ZNF131: variants seen among roughly 807,000 people sequenced by gnomAD.
ZNF131 encodes zinc finger and BTB domain containing 35.
Under a neutral mutation model 60.0 loss-of-function variants are expected in ZNF131, and 7 were observed. That is an observed-to-expected ratio of 0.12 (90% confidence interval 0.07 to 0.22). The LOEUF is 0.22. Ranked by LOEUF, ZNF131 falls within the 10% of genes least tolerant of loss-of-function variation. ZNF131 has a pLI of 1.00. For missense variants in ZNF131, 493 were observed against 740.9 expected, an observed-to-expected ratio of 0.67 and a Z score of 3.88; for synonymous variants, 257 against 253.2, an observed-to-expected ratio of 1.01 and a Z score of -0.14.
rs893974826 is a variant in ZNF131, at chr5:43,175,292, T to C, written c.*159T>C. The C allele has an allele frequency of 8.0e-6, 6 of 746,504 alleles. No individual in the cohort carries two copies. Among genetic ancestry groups the C allele is most frequent in the East Asian group, 5.4e-5 (2 of 37,378 alleles). The allele number at this position is 746,504 out of a possible 1,614,324, so 46.2% of individuals were successfully genotyped here. On this transcript the variant is annotated 3_prime_UTR_variant, in exon 7 of 7. Coordinates refer to ENST00000682664, the MANE Select transcript of ZNF131 (RefSeq NM_001330707.2). ...GTCCGTTGAAACACATTGATTCCCC[T>C]CCCCCTACTTATTGCCACAGAGGAG...
intron 4 of ZNF131, among the ~76,000 whole-genome samples, chr5:43,143,898 C>CATTTTTTTTT (rs1747189766): frequency 2.9e-5 from 1 of 34,974 alleles, no homozygotes. Flanking sequence ...ATTGTCAGAG[C>CATTTTTTTTT]TTTTTTTTTT....
intron 4 of ZNF131, among the ~76,000 whole-genome samples, chr5:43,142,785 G>A (rs540411366): frequency 4.6e-5 from 7 of 151,718 alleles, no homozygotes; most frequent in Non-Finnish European, 8.8e-5. Flanking sequence ...TCAACTTCCC[G>A]GCCTCAAGAG....
At chr5:43,168,368 G>A (rs116345130) in intron 5 of ZNF131, among the ~76,000 whole-genome samples, 1,811 of 152,312 alleles carry the variant, frequency 0.012, 32 homozygotes, top group African/African-American at 0.042. Flanking sequence ...CAGTCACAGA[G>A]GAATGAGAGG....
chr5:43,161,331 A>G lies in ZNF131; in HGVS notation c.454A>G (p.Asn152Asp), dbSNP rs1749670604. The G allele has an allele frequency of 4.3e-6, 7 of 1,614,114 alleles. No homozygotes were observed. The highest frequency in any genetic ancestry group is 1.7e-5 in the Admixed American group (1 of 60,006). Residue 152 changes from asparagine (N) to aspartate (D), a missense_variant, in exon 5 of 7, where the codon AAT becomes GAT. Transcript: ENST00000682664. ...AAAAAGGAAGATTGCAGAAACTTCA[A>G]ATGTTATCACTGAGTCATTGCCATC... ...AKKRKIAETSNVITESLPSAE... is the reference protein window; with the variant it reads ...AKKRKIAETSDVITESLPSAE...
Position 43,175,183 on chromosome 5 carries a change from AT to A in ZNF131, c.*52del, listed in dbSNP as rs754829310. The A allele has an allele frequency of 2.0e-6, 3 of 1,508,526 alleles. No homozygotes were observed. Among genetic ancestry groups the A allele is most frequent in the Non-Finnish European group, 2.7e-6 (3 of 1,127,594 alleles). 93.4% of individuals were successfully genotyped at this position (1,508,526 alleles called of 1,614,324 possible). A position where few individuals can be genotyped will look rare whatever the true frequency, so the allele number is the denominator to read the frequency against. The stretch of plus-strand genomic sequence containing the variant: ...ATTTACTTGTTGGGTTTTTGAACTG[AT>A]TATGGGCAGTTTGACTGTCCTTAAT... On this transcript the variant is annotated 3_prime_UTR_variant, in exon 7 of 7. Coordinates refer to ENST00000682664, the MANE Select transcript of ZNF131 (RefSeq NM_001330707.2).
intron 4 of ZNF131, among the ~76,000 whole-genome samples, chr5:43,152,903 C>T (rs574966956): frequency 6.6e-6 from 1 of 152,300 alleles, no homozygotes; most frequent in Non-Finnish European, 1.5e-5. Flanking sequence ...AGCCACCACA[C>T]CCAGCTTGAC....
chr5:43,131,477 T>C (rs1007148920), intron 3 of ZNF131, among the ~76,000 whole-genome samples: 19 of 152,174 alleles, frequency 1.2e-4, no homozygotes, highest in African/African-American at 2.7e-4. Flanking sequence ...CTGGCCCTTA[T>C]CACATTTTTT....
In ZNF131 at chr5:43,161,441, G is replaced by A; in HGVS notation, c.564G>A (p.Glu188=). Residue 188 remains glutamate, a synonymous_variant, in exon 5 of 7, where the codon GAG becomes GAA. Coordinates refer to ENST00000682664, the MANE Select transcript of ZNF131 (RefSeq NM_001330707.2). The part of the protein sequence containing the change: ...EVEDEGIETL[E]EVASAKQSVK... ...AAGATGAAGGCATCGAAACATTAGA[G>A]GAAGTGGCTTCTGCCAAGCAGTCCG... The A allele has an allele frequency of 1.2e-6, 2 of 1,614,250 alleles. No homozygotes were observed. The highest frequency in any genetic ancestry group is 1.7e-6 in the Non-Finnish European group (2 of 1,180,050).
At chr5:43,153,452 C>T (rs1490894948) in intron 4 of ZNF131, among the ~76,000 whole-genome samples, 3 of 132,982 alleles carry the variant, frequency 2.3e-5, no homozygotes, top group African/African-American at 5.6e-5. Context: ...ATGGTGAACT[C>T]CCATCTCTAC....
chr5:43,143,890 T>C (rs1747183442), intron 4 of ZNF131, among the ~76,000 whole-genome samples: 1 of 143,868 alleles, frequency 7.0e-6, no homozygotes, highest in South Asian at 2.2e-4. Flanking sequence ...TCTGGAATAT[T>C]GTCAGAGCTT....
Position 43,169,779 on chromosome 5 carries a change from G to T in ZNF131, c.1055-3539G>T, listed in dbSNP as rs565073936. 4.1e-4 allele frequency among the ~76,000 whole-genome samples: 62 copies of T among 151,614 alleles called. 2 individuals are homozygous for T. The South Asian group carries it at 0.012, about 30-fold the overall frequency. ...TTAAGAGCAGAATTGCCAGGTCAAAGAATATGCACTTTTTTCTTTTTTTTT... is the reference window on the plus strand; with the variant it reads ...TTAAGAGCAGAATTGCCAGGTCAAATAATATGCACTTTTTTCTTTTTTTTT... On this transcript the variant is annotated intron_variant, in intron 5 of 6. Coordinates refer to ENST00000682664, the MANE Select transcript of ZNF131 (RefSeq NM_001330707.2).
In ZNF131 at chr5:43,166,517, TG is replaced by T. The variant is rs75360061; in HGVS notation, c.1054+4587del. On this transcript the variant is annotated intron_variant, in intron 5 of 6. Coordinates refer to ENST00000682664, the MANE Select transcript of ZNF131 (RefSeq NM_001330707.2). ...CTGGGACTACAGGTGCCCGCTACCA[TG>T]CCTGGCTAATTTTTTGTATTTTTAG... is the stretch of plus-strand genomic sequence containing the variant. Among the ~76,000 whole-genome samples the T allele has an allele frequency of 0.01, 1,567 of 151,208 alleles. 103 individuals carry two copies. In the East Asian group the frequency reaches 0.19, roughly 18 times the overall value.
chr5:43,147,394 CTTT>C (rs769222605), intron 4 of ZNF131, among the ~76,000 whole-genome samples: 3 of 151,008 alleles, frequency 2.0e-5, no homozygotes, highest in African/African-American at 7.3e-5. Context: ...TTTTTTAAAT[CTTT>C]TTTTTATTTT....
intron 4 of ZNF131, among the ~76,000 whole-genome samples, chr5:43,148,872 T>G (rs62368863): frequency 0.13 from 19,641 of 152,236 alleles, 1,684 homozygotes; most frequent in South Asian, 0.28. Context: ...CTAGTTTCCT[T>G]GTGCAATTTT....
intron 3 of ZNF131, among the ~76,000 whole-genome samples, chr5:43,128,544 C>T (rs1579715427): frequency 6.6e-6 from 1 of 151,070 alleles, no homozygotes; most frequent in African/African-American, 2.4e-5. Flanking sequence ...GTAGTCCCAG[C>T]TACTTGGGAG....
chr5:43,170,379 A>G (rs1408434994), intron 5 of ZNF131, among the ~76,000 whole-genome samples: 1 of 151,946 alleles, frequency 6.6e-6, no homozygotes, highest in African/African-American at 2.4e-5. Context: ...CACATCTAGG[A>G]CCTCCTCATT....
At chr5:43,170,059 G>A (rs2112084405) in intron 5 of ZNF131, among the ~76,000 whole-genome samples, 1 of 152,194 alleles carries the variant, frequency 6.6e-6, no homozygotes, top group East Asian at 1.9e-4. Context: ...CTAATAATAT[G>A]CACATTTTAT....
chr5:43,146,136 C>T (rs1747546680), intron 4 of ZNF131, among the ~76,000 whole-genome samples: 1 of 152,142 alleles, frequency 6.6e-6, no homozygotes, highest in African/African-American at 2.4e-5. Context: ...CTTAAGGCAA[C>T]TGTATAACTA....
chr5:43,145,661 CAAA>C (rs891154206), intron 4 of ZNF131, among the ~76,000 whole-genome samples: 1 of 142,612 alleles, frequency 7.0e-6, no homozygotes, highest in Non-Finnish European at 1.5e-5. Context: ...CATCTCAAAA[CAAA>C]AAAAAAAGAA....
Sources: gnomAD v4.1 joint callset for allele counts (sites outside exome capture counted in the v4.1 genomes callset) on GRCh38, gnomAD v4.1.1 for gene constraint, MANE v1.5 for transcripts, NCBI Gene and HGNC (gene_info 2026-07-23, HGNC 2026-07-21) for gene names.